LAMA3: variants seen among roughly 807,000 people sequenced by gnomAD.
The protein encoded by LAMA3 is laminin subunit alpha 3, also known as laminin subunit alpha-3.
In LAMA3, 281 loss-of-function variants were observed where a neutral mutation model predicts 402.0. That is an observed-to-expected ratio of 0.70 (90% CI 0.63 to 0.77). The LOEUF is 0.77. Ranked by LOEUF, LAMA3 falls within the 30% of genes least tolerant of loss-of-function variation. The probability of loss-of-function intolerance (pLI) is 0.00; values close to 1 mark genes in which losing one functional copy is unlikely to be tolerated. For missense variants in LAMA3, 3,840 were observed against 4,215.5 expected (o/e 0.91, Z 2.47); for synonymous variants, 1,431 against 1,558.4 (o/e 0.92, Z 1.93).
At chr18:23,860,355 C>T (rs1225975191) in intron 34 of LAMA3, among the ~76,000 whole-genome samples, 1 of 146,578 alleles carries the variant, frequency 6.8e-6, no homozygotes, top group African/African-American at 2.5e-5. Context: ...GCTTCCAGGG[C>T]TCAAGCAATC....
chr18:23,804,283 A>G (rs553438792), intron 12 of LAMA3, among the ~76,000 whole-genome samples: 5 of 152,286 alleles, frequency 3.3e-5, no homozygotes, highest in African/African-American at 1.2e-4. Flanking sequence ...CTGACACTTA[A>G]AAGCACCATT....
chr18:23,843,991 G>A (rs1300860746), intron 29 of LAMA3, among the ~76,000 whole-genome samples: 1 of 152,164 alleles, frequency 6.6e-6, no homozygotes. Flanking sequence ...CCTCCAGGAA[G>A]CATTGCCCAG....
intron 7 of LAMA3, among the ~76,000 whole-genome samples, chr18:23,759,520 CCAGTAGCTGGGATTA>C (rs1330028531): frequency 6.6e-6 from 1 of 152,086 alleles, no homozygotes; most frequent in Admixed American, 6.6e-5. Flanking sequence ...CTCAGCCTCT[CCAGTAGCTGGGATTA>C]CAGACACCTG....
At chr18:23,761,843 A>C (rs2061975937) in intron 7 of LAMA3, among the ~76,000 whole-genome samples, 1 of 152,224 alleles carries the variant, frequency 6.6e-6, no homozygotes, top group Non-Finnish European at 1.5e-5. Flanking sequence ...TTAAGGGAAA[A>C]ATTAGAGCTA....
intron 25 of LAMA3, chr18:23,837,291 T>G (rs2063602384): frequency 1.7e-6 from 1 of 577,144 alleles, no homozygotes; most frequent in Non-Finnish European, 3.1e-6. Flanking sequence ...TAATAAAATT[T>G]AGTCATATTT....
chr18:23,876,232 A>G lies in LAMA3; in HGVS notation c.4999-62A>G, dbSNP rs1237102345. The stretch of plus-strand genomic sequence containing the variant: ...AATGCTTCACAGTGAGAGGTGTCAC[A>G]TGCTTTGGATAGTAATTGTTTTCTT... On this transcript the variant is annotated intron_variant, in intron 38 of 74. Transcript: ENST00000313654. The G allele has an allele frequency of 9.1e-6, 10 of 1,100,852 alleles. No individual in the cohort carries two copies. In the African/African-American group the frequency reaches 1.1e-4, roughly 12 times the overall value. The allele number at this position is 1,100,852 out of a possible 1,614,324, so 68.2% of individuals were successfully genotyped here. A position where few individuals can be genotyped will look rare whatever the true frequency, so the allele number is the denominator to read the frequency against.
rs192964890 is a variant in LAMA3 at position 23,797,058 on chromosome 18, C to T, written c.1603+12901C>T. Among the ~76,000 whole-genome samples the T allele has an allele frequency of 2.6e-5, 4 of 152,306 alleles. No homozygotes were observed. The East Asian group carries it at 7.7e-4, about 29-fold the overall frequency. On this transcript the variant is annotated intron_variant, in intron 12 of 74. Coordinates refer to ENST00000313654, the MANE Select transcript of LAMA3 (RefSeq NM_198129.4). ...CTAAAGTCGTGGCTCAAGTGAAGGA[C>T]TAATACATACACATCCAGCCTTGGA...
In LAMA3 at chr18:23,871,572, G is replaced by A. The variant is rs2064521677; in HGVS notation, c.4909G>A (p.Glu1637Lys). The change falls in exon 38 of 75, where the codon GAG (glutamate) becomes AAG (lysine). Residue 1637 changes from glutamate to lysine, a missense_variant. Coordinates refer to ENST00000313654, the MANE Select transcript of LAMA3 (RefSeq NM_198129.4). ...QRLTLSEVGLEEASDTGSGRI... is the reference protein window; with the variant it reads ...QRLTLSEVGLKEASDTGSGRI... ...GCTCACCCTGAGCGAGGTGGGGCTAGAGGAAGCCTCTGACACAGGAAGTGG... is the reference window on the plus strand; with the variant it reads ...GCTCACCCTGAGCGAGGTGGGGCTAAAGGAAGCCTCTGACACAGGAAGTGG... 6.8e-6 allele frequency: 11 copies of A among 1,614,214 alleles called. No individual in the cohort carries two copies. The highest frequency in any genetic ancestry group is 1.1e-5 in the South Asian group (1 of 91,084).
In LAMA3 at chr18:23,924,342, G is replaced by A. The variant is rs186680037; in HGVS notation, c.8177+2757G>A. ...AATTTTTTGTATTTTTAGCAGAGAC[G>A]GGGTTCCCCATGTTGTCCAGGCTGG... On this transcript the variant is annotated intron_variant, in intron 62 of 74. Coordinates refer to ENST00000313654, the MANE Select transcript of LAMA3 (RefSeq NM_198129.4). Among the ~76,000 whole-genome samples, 5 of 151,878 alleles carry A rather than the reference G, an allele frequency of 3.3e-5. No homozygotes were observed. In the East Asian group the frequency reaches 5.8e-4, roughly 18 times the overall value.
At chr18:23,890,627 A>C (rs940330045) in intron 42 of LAMA3, among the ~76,000 whole-genome samples, 1 of 152,232 alleles carries the variant, frequency 6.6e-6, no homozygotes, top group African/African-American at 2.4e-5. Context: ...AACTTGGAAC[A>C]AAAAGGAAGA....
chr18:23,763,307 C>T, intron 7 of LAMA3, 98 bp from the exon 8 acceptor site: 2 of 871,176 alleles, frequency 2.3e-6, no homozygotes, highest in Non-Finnish European at 1.9e-6. Context: ...CCAGAATATA[C>T]TTTTTTATAG....
chr18:23,950,215 G>A (rs2082859461), intron 72 of LAMA3, 56 bp downstream of exon 72: 2 of 1,608,076 alleles, frequency 1.2e-6, no homozygotes, highest in East Asian at 4.5e-5. Flanking sequence ...TTCAATGTCT[G>A]GAGGCCACAG....
rs202221959 is a variant in LAMA3 at position 23,861,666 on chromosome 18, G to T, written c.4443G>T (p.Trp1481Cys). Residue 1481 changes from tryptophan to cysteine, a missense_variant, in exon 35 of 75, where the codon TGG becomes TGT. Transcript: ENST00000313654. ...RRTKFVDMLG[W>C]HLETADRVDI... ...TCCAGTTTGTGGATATGCTGGGCTGGCACCTGGAGACAGCAGACAGAGTGG... is the reference window on the plus strand; with the variant it reads ...TCCAGTTTGTGGATATGCTGGGCTGTCACCTGGAGACAGCAGACAGAGTGG... 51 of 1,614,022 alleles carry T rather than the reference G, an allele frequency of 3.2e-5. No homozygotes were observed. Among genetic ancestry groups the T allele is most frequent in the Non-Finnish European group, 2.5e-5 (29 of 1,180,042 alleles).
intron 23 of LAMA3, among the ~76,000 whole-genome samples, chr18:23,830,689 T>A (rs2063475080): frequency 6.6e-6 from 1 of 152,178 alleles, no homozygotes; most frequent in Non-Finnish European, 1.5e-5. Flanking sequence ...AAAATATCAT[T>A]TGCAGGCTCA....
At chr18:23,816,296 G>C (rs1355207628) in intron 17 of LAMA3, 92 bp from the exon 18 acceptor site, 1 of 909,566 alleles carries the variant, frequency 1.1e-6, no homozygotes, top group African/African-American at 1.6e-5. Context: ...CTGTGTCACT[G>C]GGATGGTCAG....
At chr18:23,941,644 CT>C (rs1349826339) in intron 68 of LAMA3, among the ~76,000 whole-genome samples, 2 of 152,064 alleles carry the variant, frequency 1.3e-5, no homozygotes, top group Non-Finnish European at 2.9e-5. Context: ...TGCTTTACCC[CT>C]TTGGTGAATG....
At chr18:23,934,861 CTT>C (rs1568363475) in intron 67 of LAMA3, among the ~76,000 whole-genome samples, 87 of 152,332 alleles carry the variant, frequency 5.7e-4, no homozygotes, top group African/African-American at 2.1e-3. Context: ...CCACGTGCTG[CTT>C]CTCTACCAAT....
intron 36 of LAMA3, among the ~76,000 whole-genome samples, chr18:23,867,552 CAAAAA>C (rs60964764): frequency 1.0e-5 from 1 of 96,362 alleles, no homozygotes; most frequent in Non-Finnish European, 2.1e-5. Flanking sequence ...CCATCCCTGC[CAAAAA>C]AAAAAAAAAA....
At chr18:23,858,923 T>G (rs773440769) in intron 34 of LAMA3, 94 bp downstream of exon 34, 7 of 1,333,870 alleles carry the variant, frequency 5.2e-6, no homozygotes, top group Non-Finnish European at 7.5e-6. Flanking sequence ...TGCAGTGTTT[T>G]AAAATTCTTG....
Sources: gnomAD v4.1 joint callset for allele counts (sites outside exome capture counted in the v4.1 genomes callset) on GRCh38, gnomAD v4.1.1 for gene constraint, MANE v1.5 for transcripts, NCBI Gene and HGNC (gene_info 2026-07-23, HGNC 2026-07-21) for gene names.